ELOVL7: variants seen among roughly 807,000 people sequenced by gnomAD.
The protein encoded by ELOVL7 is ELOVL fatty acid elongase 7, also known as very long chain fatty acid elongase 7.
Under a neutral mutation model 35.7 loss-of-function variants are expected in ELOVL7, and 27 were observed. The ratio of observed to expected loss-of-function variants is 0.76; its 90% CI spans 0.56 to 1.04. The LOEUF (loss-of-function observed/expected upper bound fraction) is 1.04, where lower values mean the gene tolerates loss of function less well. Ranked by LOEUF, ELOVL7 falls within the 50% of genes least tolerant of loss-of-function variation. ELOVL7 has a pLI of 0.00. For synonymous variants in ELOVL7, 113 were observed against 114.6 expected, an observed-to-expected ratio of 0.99 and a Z score of 0.09; for missense variants, 327 against 340.8, an observed-to-expected ratio of 0.96 and a Z score of 0.32.
At chr5:60,781,159 G>A (rs747741488) in intron 3 of ELOVL7, among the ~76,000 whole-genome samples, 7 of 151,256 alleles carry the variant, frequency 4.6e-5, no homozygotes, top group South Asian at 2.1e-4. Flanking sequence ...GCAGTGAACC[G>A]GAGATCATGC....
Position 60,752,518 on chromosome 5 carries a change from T to A in ELOVL7, c.*2106A>T, listed in dbSNP as rs1741328622. 6.6e-6 allele frequency: 1 copy of A among 152,638 alleles called. No individual in the cohort carries two copies. Among genetic ancestry groups the A allele is most frequent in the Admixed American group, 6.5e-5 (1 of 15,278 alleles). 9.5% of individuals were successfully genotyped at this position (152,638 alleles called of 1,614,324 possible). A position where few individuals can be genotyped will look rare whatever the true frequency, so the allele number is the denominator to read the frequency against. On this transcript the variant is annotated 3_prime_UTR_variant, in exon 9 of 9. Transcript: ENST00000508821. The stretch of plus-strand genomic sequence containing the variant: ...ATTTCTAACAGCACCTAGCATACCT[T>A]CTCATTTTAGCACAGGTTAGATATG...
At chr5:60,814,748 C>T (rs913415436) in intron 1 of ELOVL7, among the ~76,000 whole-genome samples, 2 of 152,152 alleles carry the variant, frequency 1.3e-5, no homozygotes, top group Non-Finnish European at 1.5e-5. Flanking sequence ...AGTCTATGCT[C>T]GTCATGATAG....
intron 1 of ELOVL7, among the ~76,000 whole-genome samples, chr5:60,832,020 C>T (rs1746509746): frequency 6.6e-6 from 1 of 152,216 alleles, no homozygotes; most frequent in Non-Finnish European, 1.5e-5. Flanking sequence ...ATTTCATAAG[C>T]ATATCAGCTG....
intron 7 of ELOVL7, among the ~76,000 whole-genome samples, chr5:60,760,584 T>C (rs1041388714): frequency 2.2e-4 from 33 of 152,224 alleles, no homozygotes; most frequent in African/African-American, 8.0e-4. Context: ...TCCCATTTTG[T>C]AGGTCGCCTG....
At chr5:60,766,183 TA>T (rs909627967) in intron 6 of ELOVL7, among the ~76,000 whole-genome samples, 68 of 152,312 alleles carry the variant, frequency 4.5e-4, no homozygotes, top group Admixed American at 9.8e-4. Context: ...TGCTTTGGGA[TA>T]AAAAAACAAA....
At chr5:60,796,470 G>A (rs1017935633) in intron 2 of ELOVL7, among the ~76,000 whole-genome samples, 1 of 152,204 alleles carries the variant, frequency 6.6e-6, no homozygotes, top group Non-Finnish European at 1.5e-5. Context: ...CCATCCACGA[G>A]TGCCAGGAAC....
chr5:60,841,588 A>G (rs1747175500), intron 1 of ELOVL7, among the ~76,000 whole-genome samples: 1 of 152,142 alleles, frequency 6.6e-6, no homozygotes, highest in Non-Finnish European at 1.5e-5. Flanking sequence ...CACCTTATAC[A>G]GGTTTTTGTG....
At chr5:60,777,007 T>G (rs1742943586) in intron 3 of ELOVL7, among the ~76,000 whole-genome samples, 1 of 151,826 alleles carries the variant, frequency 6.6e-6, no homozygotes, top group Non-Finnish European at 1.5e-5. Flanking sequence ...AAGAAAAATA[T>G]TCAGATTTCT....
intron 4 of ELOVL7, among the ~76,000 whole-genome samples, chr5:60,771,140 C>A (rs1982596): frequency 0.27 from 41,764 of 152,038 alleles, 9,553 homozygotes; most frequent in African/African-American, 0.63. Flanking sequence ...GATTAAGCAC[C>A]AGTTATGCTA....
intron 1 of ELOVL7, among the ~76,000 whole-genome samples, chr5:60,821,472 A>G (rs1349982756): frequency 6.6e-6 from 1 of 151,928 alleles, no homozygotes; most frequent in Admixed American, 6.6e-5. Flanking sequence ...TTCCCCCTCT[A>G]TCTATGCTCC....
At chr5:60,833,051 C>A (rs1229963853) in intron 1 of ELOVL7, among the ~76,000 whole-genome samples, 3 of 152,148 alleles carry the variant, frequency 2.0e-5, no homozygotes, top group Middle Eastern at 3.2e-3. Flanking sequence ...TCTACAGTAA[C>A]CTCTGTAGGA....
At position 60,767,809 on chromosome 5, in the gene ELOVL7, A is replaced by G. The variant is rs1205854703; in HGVS notation, c.336+14T>C. The G allele has an allele frequency of 6.2e-7, 1 of 1,605,104 alleles. No individual in the cohort carries two copies. Among genetic ancestry groups the G allele is most frequent in the East Asian group, 2.2e-5 (1 of 44,808 alleles). On this transcript the variant is annotated intron_variant, in intron 5 of 8. Coordinates refer to ENST00000508821, the MANE Select transcript of ELOVL7 (RefSeq NM_024930.3). The stretch of plus-strand genomic sequence containing the variant: ...TTGATTTTGAATTTCAAGTTTTTCC[A>G]AAGAGAAACTTACCCTCAAAGCTGT...
At chr5:60,822,070 C>T (rs1404562191) in intron 1 of ELOVL7, among the ~76,000 whole-genome samples, 1 of 152,136 alleles carries the variant, frequency 6.6e-6, no homozygotes, top group Non-Finnish European at 1.5e-5. Flanking sequence ...GACAATGCAA[C>T]AATGCAAATG....
intron 8 of ELOVL7, among the ~76,000 whole-genome samples, chr5:60,755,447 A>T (rs1030175204): frequency 6.6e-6 from 1 of 152,080 alleles, no homozygotes; most frequent in African/African-American, 2.4e-5. Context: ...TCACGAGGTT[A>T]GGAGTTCGAG....
At chr5:60,765,606 A>G (rs1742188071) in intron 6 of ELOVL7, among the ~76,000 whole-genome samples, 2 of 152,152 alleles carry the variant, frequency 1.3e-5, no homozygotes, top group Non-Finnish European at 1.5e-5. Flanking sequence ...TAGAAATGCA[A>G]ATTTTGAGCC....
At chr5:60,777,990 T>G (rs1743007702) in intron 3 of ELOVL7, among the ~76,000 whole-genome samples, 1 of 152,202 alleles carries the variant, frequency 6.6e-6, no homozygotes, top group South Asian at 2.1e-4. Context: ...TGACAGACAC[T>G]TTTCAAAACA....
At chr5:60,809,217 G>A (rs1413105548) in intron 1 of ELOVL7, among the ~76,000 whole-genome samples, 4 of 152,092 alleles carry the variant, frequency 2.6e-5, no homozygotes, top group Admixed American at 1.3e-4. Flanking sequence ...TTGGTATGTC[G>A]AAGAATCTAA....
At chr5:60,770,325 A>G (rs1182216920) in intron 4 of ELOVL7, among the ~76,000 whole-genome samples, 2 of 152,216 alleles carry the variant, frequency 1.3e-5, no homozygotes, top group East Asian at 1.9e-4. Context: ...CCCTAAGAAT[A>G]TGAGAGCAAG....
intron 7 of ELOVL7, among the ~76,000 whole-genome samples, chr5:60,761,125 TTTC>T (rs1435702131): frequency 6.6e-6 from 1 of 152,210 alleles, no homozygotes; most frequent in East Asian, 1.9e-4. Context: ...CTAAGCCTGT[TTTC>T]TTCTTTATGA....
Sources: allele counts gnomAD v4.1 joint callset (sites outside exome capture counted in the v4.1 genomes callset), GRCh38; gene constraint gnomAD v4.1.1; transcripts MANE v1.5; gene names NCBI Gene and HGNC (gene_info 2026-07-23, HGNC 2026-07-21).